The following DGLUCY variants were observed in gnomAD, a reference collection of about 807,000 sequenced individuals.
The protein encoded by DGLUCY is D-glutamate cyclase, mitochondrial.
In DGLUCY, 58 loss-of-function variants were observed where a neutral mutation model predicts 58.5. That is an observed-to-expected ratio of 0.99 (90% CI 0.80 to 1.23). DGLUCY has a LOEUF of 1.23. Among genes scored for constraint, DGLUCY ranks in the 50% most tolerant of loss-of-function variants. DGLUCY has a pLI of 0.00. For missense variants in DGLUCY, 779 were observed against 784.7 expected, an observed-to-expected ratio of 0.99 and a Z score of 0.09; for synonymous variants, 325 against 314.1, an observed-to-expected ratio of 1.03 and a Z score of -0.37.
At chr14:91,090,770 T>A (rs922902901) in intron 1 of DGLUCY, among the ~76,000 whole-genome samples, 2 of 152,222 alleles carry the variant, frequency 1.3e-5, no homozygotes, top group Non-Finnish European at 2.9e-5. Flanking sequence ...GAGCCTTGGC[T>A]GTTCCATCTC....
chr14:91,108,526 T>TGAGAGAGAGAGAGAGAGAGAGA (rs1194090963), intron 1 of DGLUCY, among the ~76,000 whole-genome samples: 7 of 52,180 alleles, frequency 1.3e-4, no homozygotes, highest in Non-Finnish European at 2.3e-4. Flanking sequence ...TGTGTGTGTG[T>TGAGAGAGAGAGAGAGAGAGAGA]GAGAGAGAGA....
intron 3 of DGLUCY, among the ~76,000 whole-genome samples, chr14:91,161,680 T>C (rs963509256): frequency 1.3e-5 from 2 of 151,780 alleles, no homozygotes; most frequent in African/African-American, 4.8e-5. Context: ...TCACACTTAC[T>C]AATGTCCCAT....
chr14:91,162,108 C>G (rs2048028202), intron 3 of DGLUCY, among the ~76,000 whole-genome samples: 1 of 152,078 alleles, frequency 6.6e-6, no homozygotes, highest in African/African-American at 2.4e-5. Context: ...ATGAAAGTAG[C>G]AGCAGAACCT....
rs1243994563 is a variant in DGLUCY at position 91,215,559 on chromosome 14, A to C, written c.1716+3A>C. The C allele has an allele frequency of 1.2e-6, 2 of 1,613,682 alleles. No homozygotes were observed. The highest frequency in any genetic ancestry group is 1.7e-6 in the Non-Finnish European group (2 of 1,179,622). On this transcript the variant is annotated splice_donor_region_variant and intron_variant, in intron 13 of 13. Transcript: ENST00000256324. ...AGGCCCTCCCGTCGGTCATTAAGGT[A>C]ACAAACCCCAGCCAGCCGCTCGCCT...
chr14:91,071,116 A>G (rs2043908383), intron 1 of DGLUCY, among the ~76,000 whole-genome samples: 1 of 151,918 alleles, frequency 6.6e-6, no homozygotes, highest in Non-Finnish European at 1.5e-5. Flanking sequence ...GCAGATCACA[A>G]GGTCAGGAGA....
intron 1 of DGLUCY, among the ~76,000 whole-genome samples, chr14:91,115,916 T>C (rs1275097958): frequency 2.0e-5 from 3 of 152,242 alleles, no homozygotes; most frequent in Non-Finnish European, 4.4e-5. Flanking sequence ...CCACCTCTCC[T>C]GCACTGAGCT....
At chr14:91,215,855 T>C in intron 13 of DGLUCY, 4 of 937,584 alleles carry the variant, frequency 4.3e-6, no homozygotes, top group Non-Finnish European at 5.7e-6. Context: ...GTGGTCAGCA[T>C]TGTTGTTGGA....
chr14:91,169,880 G>C, intron 4 of DGLUCY, 123 bp from the exon 5 acceptor site: 1 of 997,024 alleles, frequency 1.0e-6, no homozygotes, highest in Non-Finnish European at 1.5e-6. Context: ...CCCTACCCTG[G>C]TGCCAGGGCT....
intron 1 of DGLUCY, among the ~76,000 whole-genome samples, chr14:91,138,794 A>G (rs1386730248): frequency 1.3e-5 from 2 of 152,060 alleles, no homozygotes; most frequent in Admixed American, 6.6e-5. Flanking sequence ...GAGGATGATG[A>G]TGATTACAAT....
In DGLUCY at chr14:91,176,066, G is replaced by C; in HGVS notation, c.730+10G>C. The C allele has an allele frequency of 6.2e-7, 1 of 1,613,458 alleles. No homozygotes were observed. Among genetic ancestry groups the C allele is most frequent in the Non-Finnish European group, 8.5e-7 (1 of 1,179,642 alleles). On this transcript the variant is annotated intron_variant, in intron 7 of 13. Transcript: ENST00000256324. ...GCTGTCAGCAGCTGTGGTACGTTGG[G>C]GGATAATGGGACAATCGATCTGCCC...
intron 1 of DGLUCY, among the ~76,000 whole-genome samples, chr14:91,145,928 G>T (rs1595754067): frequency 6.6e-6 from 1 of 152,168 alleles, no homozygotes; most frequent in African/African-American, 2.4e-5. Context: ...GCCCAGGCTG[G>T]AGTGCGGTGA....
At chr14:91,074,165 A>ACACACACACACACAT (rs1555388292) in intron 1 of DGLUCY, among the ~76,000 whole-genome samples, 1 of 144,190 alleles carries the variant, frequency 6.9e-6, no homozygotes, top group African/African-American at 2.6e-5. Context: ...ACACACAGTC[A>ACACACACACACACAT]AGCACCTGTA....
At chr14:91,076,299 C>G (rs2044020951) in intron 1 of DGLUCY, among the ~76,000 whole-genome samples, 1 of 152,106 alleles carries the variant, frequency 6.6e-6, no homozygotes, top group Non-Finnish European at 1.5e-5. Flanking sequence ...TCATTTTACT[C>G]TATGTATGAA....
chr14:91,119,073 A>G (rs1291683676), intron 1 of DGLUCY, among the ~76,000 whole-genome samples: 26 of 152,194 alleles, frequency 1.7e-4, no homozygotes, highest in Admixed American at 1.7e-3. Flanking sequence ...TGTAAAAAAG[A>G]TCCCAAAATA....
intron 1 of DGLUCY, among the ~76,000 whole-genome samples, chr14:91,072,216 C>A (rs532151980): frequency 4.0e-5 from 6 of 151,646 alleles, no homozygotes. Context: ...CCCAGCTACT[C>A]GGGAGGCTGA....
intron 1 of DGLUCY, among the ~76,000 whole-genome samples, chr14:91,152,367 C>T (rs2047382233): frequency 2.0e-5 from 3 of 151,976 alleles, no homozygotes; most frequent in Admixed American, 2.0e-4. Flanking sequence ...ACCTGCACTC[C>T]AGCCTGATGA....
chr14:91,068,248 C>T (rs575776389), intron 1 of DGLUCY, among the ~76,000 whole-genome samples: 1 of 152,342 alleles, frequency 6.6e-6, no homozygotes, highest in African/African-American at 2.4e-5. Flanking sequence ...AGATGAGGAA[C>T]ACTAGGACGA....
chr14:91,159,659 G>C (rs553584522), intron 2 of DGLUCY, among the ~76,000 whole-genome samples: 4 of 152,316 alleles, frequency 2.6e-5, no homozygotes, highest in South Asian at 2.1e-4. Flanking sequence ...AGTGGGGTTA[G>C]GGGAAGGACA....
chr14:91,122,602 G>GTTTTTTTT lies in DGLUCY; in HGVS notation c.-82+8330_-82+8337dup, dbSNP rs60627604. On this transcript the variant is annotated intron_variant, in intron 1 of 13. Coordinates refer to ENST00000256324, the MANE Select transcript of DGLUCY (RefSeq NM_001102368.3). ...ATTTTAACTATAATAAAAGAAAAAA[G>GTTTTTTTT]TTTTTTTTTTTTTTTTTTGAGATAG... 6.8e-4 allele frequency among the ~76,000 whole-genome samples: 71 copies of GTTTTTTTT among 104,788 alleles called. 6 individuals are homozygous for GTTTTTTTT. Among genetic ancestry groups the GTTTTTTTT allele is most frequent in the East Asian group, 2.1e-3 (7 of 3,264 alleles). 68.7% of individuals were successfully genotyped at this position (104,788 alleles called of 152,430 possible). A position where few individuals can be genotyped will look rare whatever the true frequency, so the allele number is the denominator to read the frequency against.
Sources: allele counts gnomAD v4.1 joint callset (sites outside exome capture counted in the v4.1 genomes callset), GRCh38; gene constraint gnomAD v4.1.1; transcripts MANE v1.5; gene names NCBI Gene and HGNC (gene_info 2026-07-23, HGNC 2026-07-21).